SESTD1: variants seen among roughly 807,000 people sequenced by gnomAD.
SESTD1 encodes the protein SEC14 and spectrin domain containing 1, also known as SEC14 domain and spectrin repeat-containing protein 1.
Under a neutral mutation model 101.7 loss-of-function variants are expected in SESTD1, and 43 were observed. The ratio of observed to expected loss-of-function variants is 0.42; its 90% CI spans 0.33 to 0.55. The LOEUF is 0.55. SESTD1 is among the 20% of genes least tolerant of loss of function. The probability of loss-of-function intolerance (pLI) is 0.07; values close to 1 mark genes in which losing one functional copy is unlikely to be tolerated. For missense variants in SESTD1, 647 were observed against 815.1 expected (o/e 0.79, Z 2.51); for synonymous variants, 283 against 286.8 (o/e 0.99, Z 0.13).
intron 1 of SESTD1, among the ~76,000 whole-genome samples, chr2:179,217,569 T>C (rs976496523): frequency 2.6e-5 from 4 of 152,194 alleles, no homozygotes; most frequent in African/African-American, 9.7e-5. Flanking sequence ...GACAGTGTGG[T>C]GATTCCTCAA....
At chr2:179,211,667 C>T (rs1472026666) in intron 1 of SESTD1, among the ~76,000 whole-genome samples, 1 of 134,504 alleles carries the variant, frequency 7.4e-6, no homozygotes, top group Non-Finnish European at 1.6e-5. Context: ...TGGAATACTA[C>T]TCTTCAGCCA....
intron 1 of SESTD1, among the ~76,000 whole-genome samples, chr2:179,236,323 TAAAAAAAAAAA>T (rs552456681): frequency 1.3e-4 from 9 of 66,730 alleles, no homozygotes; most frequent in Non-Finnish European, 2.1e-4. Context: ...CCTCATCTCT[TAAAAAAAAAAA>T]AAAAAAAAAA....
chr2:179,144,381 C>A (rs958432838), intron 8 of SESTD1, among the ~76,000 whole-genome samples: 18 of 151,796 alleles, frequency 1.2e-4, no homozygotes, highest in Admixed American at 7.2e-4. Context: ...TTTATATAAT[C>A]TCTATTTATA....
chr2:179,156,149 T>C (rs1288774349), intron 5 of SESTD1, among the ~76,000 whole-genome samples: 1 of 151,862 alleles, frequency 6.6e-6, no homozygotes, highest in African/African-American at 2.4e-5. Context: ...TATGTATATA[T>C]ATGTGTATAT....
chr2:179,224,737 AC>A (rs1327938731), intron 1 of SESTD1, among the ~76,000 whole-genome samples: 1 of 151,956 alleles, frequency 6.6e-6, no homozygotes, highest in Non-Finnish European at 1.5e-5. Context: ...CTCCACAAAA[AC>A]CCTACAGGAC....
At chr2:179,124,650 A>G (rs2154394099) in intron 10 of SESTD1, 92 bp from the exon 11 acceptor site, 1 of 1,120,572 alleles carries the variant, frequency 8.9e-7, no homozygotes, top group African/African-American at 1.6e-5. Context: ...ACTAAGTAAT[A>G]CATGATTTTT....
chr2:179,223,124 C>T lies in SESTD1; in HGVS notation c.-25-31258G>A, dbSNP rs143576951. The stretch of plus-strand genomic sequence containing the variant: ...ATTAGGCAATACAAATGAATGAAAA[C>T]GCTGATATACGATATAACGAGGATA... On this transcript the variant is annotated intron_variant, in intron 1 of 17. Coordinates refer to ENST00000428443, the MANE Select transcript of SESTD1 (RefSeq NM_178123.5). Among the ~76,000 whole-genome samples the T allele has an allele frequency of 4.7e-4, 72 of 151,976 alleles. 1 individual carries two copies. In the East Asian group the frequency reaches 7.1e-3, roughly 15 times the overall value.
At chr2:179,232,679 C>T (rs536971049) in intron 1 of SESTD1, among the ~76,000 whole-genome samples, 1 of 152,078 alleles carries the variant, frequency 6.6e-6, no homozygotes, top group South Asian at 2.1e-4. Flanking sequence ...TACTATGCAG[C>T]TCTAAAAATT....
chr2:179,174,539 A>T (rs1407144110), intron 4 of SESTD1: 1 of 422,478 alleles, frequency 2.4e-6, no homozygotes, highest in African/African-American at 2.1e-5. Flanking sequence ...TAGTTATTTT[A>T]ACAACTTTCA....
intron 1 of SESTD1, among the ~76,000 whole-genome samples, chr2:179,242,221 C>T (rs1004251891): frequency 6.6e-6 from 1 of 151,854 alleles, no homozygotes; most frequent in Non-Finnish European, 1.5e-5. Context: ...TTTACAATAG[C>T]CACACACACA....
At chr2:179,135,293 A>C (rs1435721740) in intron 9 of SESTD1, among the ~76,000 whole-genome samples, 1 of 152,084 alleles carries the variant, frequency 6.6e-6, no homozygotes, top group Non-Finnish European at 1.5e-5. Context: ...AAAAACAGAA[A>C]TCTTTCCATA....
Position 179,106,463 on chromosome 2 carries a change from T to C in SESTD1, c.*3436A>G. On this transcript the variant is annotated 3_prime_UTR_variant, in exon 18 of 18. Transcript: ENST00000428443. ...ATGTAGACCATAGATTCAGCTAACTTCATAATCACATCATTGGTAACAATG... is the reference window on the plus strand; with the variant it reads ...ATGTAGACCATAGATTCAGCTAACTCCATAATCACATCATTGGTAACAATG... The C allele has an allele frequency of 6.6e-6, 1 of 152,150 alleles. No homozygotes were observed. Among genetic ancestry groups the C allele is most frequent in the Middle Eastern group, 3.2e-3 (1 of 316 alleles). The allele number at this position is 152,150 out of a possible 1,614,324, so 9.4% of individuals were successfully genotyped here. A position where few individuals can be genotyped will look rare whatever the true frequency, so the allele number is the denominator to read the frequency against.
chr2:179,121,868 C>CT lies in SESTD1; in HGVS notation c.1343dup (p.Ala449GlyfsTer12). 1 of 1,609,748 alleles carries CT rather than the reference C, an allele frequency of 6.2e-7. No individual in the cohort carries two copies. Among genetic ancestry groups the CT allele is most frequent in the East Asian group, 2.2e-5 (1 of 44,456 alleles). On this transcript the variant is annotated frameshift_variant, in exon 13 of 18. Transcript: ENST00000428443. LOFTEE classifies it high-confidence loss of function. ...CATCCTTTCCATAGGCCCAGGATGC[C>CT]TGATTGGAGATCTGATCCAGGAGAC...
At chr2:179,119,373 G>A (rs1295985597) in intron 13 of SESTD1, among the ~76,000 whole-genome samples, 1 of 152,136 alleles carries the variant, frequency 6.6e-6, no homozygotes, top group Admixed American at 6.6e-5. Flanking sequence ...AACCTAGGCA[G>A]GAAATTAAAA....
At chr2:179,135,563 G>A (rs2045122834) in intron 9 of SESTD1, among the ~76,000 whole-genome samples, 1 of 152,144 alleles carries the variant, frequency 6.6e-6, no homozygotes, top group Non-Finnish European at 1.5e-5. Context: ...AGACCAGCCT[G>A]AGCAACATAG....
At chr2:179,145,194 A>T (rs2045367472) in intron 8 of SESTD1, among the ~76,000 whole-genome samples, 1 of 152,124 alleles carries the variant, frequency 6.6e-6, no homozygotes, top group South Asian at 2.1e-4. Flanking sequence ...GAATACATTT[A>T]TTTTTTTCTA....
intron 1 of SESTD1, among the ~76,000 whole-genome samples, chr2:179,244,803 T>C (rs569926549): frequency 1.3e-5 from 2 of 152,344 alleles, no homozygotes; most frequent in East Asian, 1.9e-4. Flanking sequence ...TAAATTATGT[T>C]TGACACCTGA....
At chr2:179,254,608 T>C (rs1294593463) in intron 1 of SESTD1, among the ~76,000 whole-genome samples, 6 of 152,210 alleles carry the variant, frequency 3.9e-5, no homozygotes, top group Non-Finnish European at 8.8e-5. Context: ...TTCCCACTAA[T>C]CCAGAAGCTG....
chr2:179,112,648 A>C, intron 17 of SESTD1, 76 bp downstream of exon 17: 1 of 1,459,004 alleles, frequency 6.9e-7, no homozygotes, highest in Admixed American at 2.5e-5. Flanking sequence ...TTTTTAAAGA[A>C]TAGATTTCCT....
Sources: gnomAD v4.1 joint callset for allele counts (sites outside exome capture counted in the v4.1 genomes callset) on GRCh38, gnomAD v4.1.1 for gene constraint, MANE v1.5 for transcripts, NCBI Gene and HGNC (gene_info 2026-07-23, HGNC 2026-07-21) for gene names.